The following ZBTB37 variants were observed in gnomAD, a reference collection of about 807,000 sequenced individuals.
The protein encoded by ZBTB37 is zinc finger and BTB domain containing 37, also known as zinc finger and BTB domain-containing protein 37.
A neutral mutation model predicts 37.7 loss-of-function variants in ZBTB37; 15 were observed. That is an observed-to-expected ratio of 0.40 (90% CI 0.27 to 0.61). The LOEUF is 0.61. Among genes scored for constraint, ZBTB37 ranks in the 20% least tolerant of loss-of-function variants. ZBTB37 has a pLI of 0.44. For synonymous variants in ZBTB37, 231 were observed against 220.6 expected, an observed-to-expected ratio of 1.05 and a Z score of -0.42; for missense variants, 514 against 641.9, an observed-to-expected ratio of 0.80 and a Z score of 2.15.
exon 4 of ZBTB37, chr1:173,892,037 A>G (rs1354362004): frequency 6.6e-6 from 1 of 152,222 alleles, no homozygotes; most frequent in Non-Finnish European, 1.5e-5. Context: ...TGAGTAATAG[A>G]TAATCCTCAT....
intron 4 of ZBTB37, among the ~76,000 whole-genome samples, chr1:173,875,223 C>T (rs184488776): frequency 6.6e-6 from 1 of 150,702 alleles, no homozygotes; most frequent in Non-Finnish European, 1.5e-5. Flanking sequence ...AGTATGCACA[C>T]ACTATATATA....
intron 4 of ZBTB37, among the ~76,000 whole-genome samples, chr1:173,879,197 TGAG>T (rs1193679624): frequency 6.6e-6 from 1 of 152,004 alleles, no homozygotes; most frequent in Non-Finnish European, 1.5e-5. Context: ...GGATTAAAGA[TGAG>T]GTAGGTTTAA....
intron 4 of ZBTB37, among the ~76,000 whole-genome samples, chr1:173,875,851 G>A (rs1290984959): frequency 3.3e-5 from 5 of 151,838 alleles, no homozygotes; most frequent in African/African-American, 9.7e-5. Context: ...TGGAAATGGC[G>A]TTGCACCAGT....
At chr1:173,896,918 G>A (rs984891506) in exon 4 of ZBTB37, 3 of 152,148 alleles carry the variant, frequency 2.0e-5, no homozygotes, top group African/African-American at 4.8e-5. Flanking sequence ...ACTGAAGTCC[G>A]TCTCTAGAAT....
exon 5 of ZBTB37, chr1:173,886,295 C>G (rs1014155907): frequency 9.8e-7 from 1 of 1,020,762 alleles, no homozygotes; most frequent in Admixed American, 3.2e-5. Flanking sequence ...GCACTAAAGG[C>G]TCCTCCCTTC....
chr1:173,881,971 G>A (rs931224735), intron 4 of ZBTB37, among the ~76,000 whole-genome samples: 16 of 151,532 alleles, frequency 1.1e-4, no homozygotes, highest in East Asian at 9.8e-4. Flanking sequence ...GGAGAATGGC[G>A]TGAACCCGGG....
At chr1:173,902,431 T>G (rs2102770732) in exon 4 of ZBTB37, 1 of 152,352 alleles carries the variant, frequency 6.6e-6, no homozygotes, top group Non-Finnish European at 1.5e-5. Context: ...TTTTTTCCCT[T>G]TGAAAAAAAC....
chr1:173,881,237 G>C (rs1301332381), intron 4 of ZBTB37, among the ~76,000 whole-genome samples: 25 of 151,822 alleles, frequency 1.6e-4, no homozygotes. Context: ...AGTTTGCTCA[G>C]AATGATGGTT....
exon 4 of ZBTB37, chr1:173,898,444 A>G (rs1412646522): frequency 1.3e-5 from 2 of 150,148 alleles, no homozygotes; most frequent in African/African-American, 2.5e-5. Flanking sequence ...CTGAGCAACA[A>G]GAGCGAGACT....
rs6663875 is a variant in ZBTB37 at position 173,894,071 on chromosome 1, G to T, written c.*7947G>T. On this transcript the variant is annotated 3_prime_UTR_variant, in exon 4 of 4. Coordinates refer to the ZBTB37 transcript ENST00000367701. Reference sequence around the variant, plus strand: ...TAATTCAAGAGTAAGTGATTAGAAGGTTCTTCAAAAGCTGATGCAGTTGAT... The same window carrying T: ...TAATTCAAGAGTAAGTGATTAGAAGTTTCTTCAAAAGCTGATGCAGTTGAT... 3.9e-5 allele frequency: 6 copies of T among 152,142 alleles called. No homozygotes were observed. In the South Asian group the frequency reaches 1.0e-3, roughly 26 times the overall value. The allele number at this position is 152,142 out of a possible 1,614,324, so 9.4% of individuals were successfully genotyped here.
chr1:173,902,281 A>T (rs1657292278), exon 4 of ZBTB37: 1 of 152,260 alleles, frequency 6.6e-6, no homozygotes, highest in South Asian at 2.1e-4. Flanking sequence ...TAATATTTGT[A>T]AACAACAAAT....
chr1:173,884,610 A>G (rs537578332), intron 4 of ZBTB37, among the ~76,000 whole-genome samples: 89 of 152,232 alleles, frequency 5.8e-4, no homozygotes, highest in Non-Finnish European at 1.2e-3. Context: ...TGTTCATATG[A>G]TACTGAAATA....
chr1:173,877,819 C>G (rs1390801003), intron 4 of ZBTB37, among the ~76,000 whole-genome samples: 1 of 152,090 alleles, frequency 6.6e-6, no homozygotes, highest in African/African-American at 2.4e-5. Context: ...AGAACTAAAA[C>G]AGGGCAAGGA....
rs375597677 is a variant in ZBTB37 at position 173,882,266 on chromosome 1, G to C, written c.1024-3370G>C. 4.6e-3 allele frequency among the ~76,000 whole-genome samples: 511 copies of C among 111,464 alleles called. 4 individuals carry two copies. The highest frequency in any genetic ancestry group is 0.017 in the African/African-American group (487 of 29,018). 73.1% of individuals were successfully genotyped at this position (111,464 alleles called of 152,430 possible). On this transcript the variant is annotated intron_variant, in intron 4 of 4. Coordinates refer to ENST00000427304, the Ensembl canonical transcript of ZBTB37. Reference sequence around the variant, plus strand: ...TTTTTTTTTTTTTTTTTTTGAGACAGAGTCTGGCTCTGTCGTCCAGGCTGG... The same window carrying C: ...TTTTTTTTTTTTTTTTTTTGAGACACAGTCTGGCTCTGTCGTCCAGGCTGG...
chr1:173,887,389 A>G (rs1338688463), downstream of ZBTB37: 1 of 152,228 alleles, frequency 6.6e-6, no homozygotes, highest in Non-Finnish European at 1.5e-5. Flanking sequence ...ATAATATACT[A>G]CAGGGCACTT....
intron 4 of ZBTB37, among the ~76,000 whole-genome samples, chr1:173,884,520 C>T (rs116564966): frequency 0.024 from 3,643 of 152,096 alleles, 65 homozygotes; most frequent in Middle Eastern, 0.085. Context: ...TCCCAGTTTT[C>T]GGATAAAAGA....
downstream of ZBTB37, chr1:173,887,700 C>T (rs956288092): frequency 6.6e-6 from 1 of 152,084 alleles, no homozygotes. Flanking sequence ...TGACGGAGCA[C>T]TAGTTGTTGG....
At chr1:173,896,666 C>A (rs138733066) in exon 4 of ZBTB37, 1 of 152,230 alleles carries the variant, frequency 6.6e-6, no homozygotes. Flanking sequence ...CAAGCTAATA[C>A]AACAACCTGA....
At chr1:173,869,891 TC>T (rs1282220881) in intron 2 of ZBTB37, among the ~76,000 whole-genome samples, 1 of 152,162 alleles carries the variant, frequency 6.6e-6, no homozygotes, top group Non-Finnish European at 1.5e-5. Flanking sequence ...TAAAAGTCCT[TC>T]CCCCTACCTT....
Sources: gnomAD v4.1 joint callset for allele counts (sites outside exome capture counted in the v4.1 genomes callset) on GRCh38, gnomAD v4.1.1 for gene constraint, MANE v1.5 for transcripts, NCBI Gene and HGNC (gene_info 2026-07-23, HGNC 2026-07-21) for gene names.